Variants in RASGRP3 observed in about 807,000 individuals in gnomAD.
The protein encoded by RASGRP3 is RAS guanyl releasing protein 3.
A neutral mutation model predicts 82.7 loss-of-function variants in RASGRP3; 54 were observed. The observed-to-expected ratio is 0.65, with a 90% CI of 0.52 to 0.82. The LOEUF (loss-of-function observed/expected upper bound fraction) is 0.82. Ranked by LOEUF, RASGRP3 falls within the 40% of genes least tolerant of loss-of-function variation. RASGRP3 has a pLI of 0.00. For synonymous variants in RASGRP3, 309 were observed against 300.5 expected (o/e 1.03, Z -0.29); for missense variants, 861 against 828.9 (o/e 1.04, Z -0.48).
At chr2:33,553,834 G>A (rs2151101913) in intron 14 of RASGRP3, among the ~76,000 whole-genome samples, 1 of 152,240 alleles carries the variant, frequency 6.6e-6, no homozygotes, top group Admixed American at 6.5e-5. Flanking sequence ...TACCTCCTGG[G>A]TTCAAGTGAT....
chr2:33,438,349 G>A (rs1363406496), intron 1 of RASGRP3, among the ~76,000 whole-genome samples: 1 of 152,122 alleles, frequency 6.6e-6, no homozygotes, highest in Non-Finnish European at 1.5e-5. Flanking sequence ...GATCACCTGA[G>A]GTTGGGAGTT....
At chr2:33,481,748 A>C (rs1224475047) in intron 1 of RASGRP3, 1 of 151,616 alleles carries the variant, frequency 6.6e-6, no homozygotes, top group Non-Finnish European at 1.5e-5. Context: ...CTGTCACCCA[A>C]GCTGGAGTGC....
At chr2:33,555,591 A>G (rs750666102) in intron 15 of RASGRP3, 24 bp downstream of exon 15, 5 of 1,544,976 alleles carry the variant, frequency 3.2e-6, no homozygotes, top group Non-Finnish European at 4.4e-6. Context: ...ATTTTGTTAC[A>G]ATTTTTAAAA....
Position 33,515,121 on chromosome 2 carries a change from C to T in RASGRP3, c.-16C>T. The T allele has an allele frequency of 2.5e-6, 4 of 1,613,432 alleles. No individual in the cohort carries two copies. The highest frequency in any genetic ancestry group is 3.4e-6 in the Non-Finnish European group (4 of 1,179,400). On this transcript the variant is annotated 5_prime_UTR_variant, in exon 3 of 18. Transcript: ENST00000403687. Reference sequence around the variant, plus strand: ...GCTGAAAATGTCTCTAGTTTTTTGACAACGGCTAAATAACCATGGGATCAA... The same window carrying T: ...GCTGAAAATGTCTCTAGTTTTTTGATAACGGCTAAATAACCATGGGATCAA...
Position 33,540,523 on chromosome 2 carries a change from TTCTCTC to T in RASGRP3, c.1278+1329_1278+1334del, listed in dbSNP as rs755061258. On this transcript the variant is annotated intron_variant, in intron 12 of 17. Transcript: ENST00000403687. ...GACTTCCTCAGTCCACATGCGGAATTTCTCTCTCTCTCTCTCTCTCTGTGTGTGTGT... is the reference window on the plus strand; with the variant it reads ...GACTTCCTCAGTCCACATGCGGAATTTCTCTCTCTCTCTCTGTGTGTGTGT... Among the ~76,000 whole-genome samples the T allele has an allele frequency of 2.4e-5, 3 of 126,036 alleles. 1 individual carries two copies. Among genetic ancestry groups the T allele is most frequent in the Non-Finnish European group, 3.5e-5 (2 of 57,546 alleles). 82.7% of individuals were successfully genotyped at this position (126,036 alleles called of 152,430 possible). A position where few individuals can be genotyped will look rare whatever the true frequency, so the allele number is the denominator to read the frequency against.
intron 1 of RASGRP3, among the ~76,000 whole-genome samples, chr2:33,478,773 C>T (rs906823838): frequency 6.6e-6 from 1 of 152,148 alleles, no homozygotes; most frequent in Non-Finnish European, 1.5e-5. Flanking sequence ...CGGTGCAGAG[C>T]CAGAAGAGAG....
At chr2:33,551,040 C>T (rs1971224) in intron 14 of RASGRP3, among the ~76,000 whole-genome samples, 22,770 of 152,068 alleles carry the variant, frequency 0.15, 2,089 homozygotes, top group Non-Finnish European at 0.18. Flanking sequence ...TGGCCAGGCG[C>T]GGTGGCTCAT....
In RASGRP3 at chr2:33,562,726, C is replaced by T; in HGVS notation, c.2065-3C>T. Reference sequence around the variant, plus strand: ...ATGCAATAGGTTCCAATTTGTGTTTCAGGATGGCTGACTTCAGGCTGCGGA... The same window carrying T: ...ATGCAATAGGTTCCAATTTGTGTTTTAGGATGGCTGACTTCAGGCTGCGGA... On this transcript the variant is annotated splice_region_variant and splice_polypyrimidine_tract_variant and intron_variant, in intron 17 of 17. Coordinates refer to ENST00000403687, the MANE Select transcript of RASGRP3 (RefSeq NM_001139488.2). 1.2e-6 allele frequency: 2 copies of T among 1,613,572 alleles called. No homozygotes were observed. Among genetic ancestry groups the T allele is most frequent in the Non-Finnish European group, 1.7e-6 (2 of 1,179,506 alleles).
intron 1 of RASGRP3, among the ~76,000 whole-genome samples, chr2:33,442,558 C>T (rs1438365870): frequency 6.6e-6 from 1 of 152,324 alleles, no homozygotes; most frequent in Admixed American, 6.5e-5. Context: ...TTGCCATTGA[C>T]GGCCTCTCCT....
intron 10 of RASGRP3, among the ~76,000 whole-genome samples, chr2:33,529,158 CAAAG>C (rs1258867338): frequency 6.6e-6 from 1 of 152,024 alleles, no homozygotes; most frequent in Non-Finnish European, 1.5e-5. Flanking sequence ...AATGTTATGA[CAAAG>C]AAATATTTAG....
rs1199721059 is a variant in RASGRP3 at position 33,558,991 on chromosome 2, T to G, written c.2025T>G (p.Leu675=). Reference sequence around the variant, plus strand: ...TAGACCGGGGCACGGAGTTTGAACTTGACCAGGATGAAGGAGAAGAGACCA... The same window carrying G: ...TAGACCGGGGCACGGAGTTTGAACTGGACCAGGATGAAGGAGAAGAGACCA... ...DVVDRGTEFE[L]DQDEGEETRQ... Residue 675 remains leucine, a synonymous_variant, in exon 17 of 18, where the codon CTT becomes CTG. Coordinates refer to ENST00000403687, the MANE Select transcript of RASGRP3 (RefSeq NM_001139488.2). 3.1e-6 allele frequency: 5 copies of G among 1,613,378 alleles called. No individual in the cohort carries two copies. Among genetic ancestry groups the G allele is most frequent in the Non-Finnish European group, 4.2e-6 (5 of 1,179,702 alleles).
intron 7 of RASGRP3, among the ~76,000 whole-genome samples, chr2:33,522,942 T>C (rs1310215838): frequency 6.6e-6 from 1 of 152,242 alleles, no homozygotes; most frequent in African/African-American, 2.4e-5. Flanking sequence ...ACAGTTTATA[T>C]GATAGAAAGC....
intron 2 of RASGRP3, among the ~76,000 whole-genome samples, chr2:33,468,438 G>A (rs1023339161): frequency 1.3e-5 from 2 of 150,390 alleles, no homozygotes; most frequent in Admixed American, 6.6e-5. Flanking sequence ...GTCTCGCTCT[G>A]TTGCCCAGGC....
intron 10 of RASGRP3, chr2:33,533,645 G>T (rs1307644012): frequency 6.6e-6 from 1 of 152,190 alleles, no homozygotes; most frequent in Non-Finnish European, 1.5e-5. Context: ...CTAGCCAGTG[G>T]CAGGCTGCAT....
chr2:33,462,373 T>G (rs1270106227), intron 2 of RASGRP3, among the ~76,000 whole-genome samples: 5 of 145,306 alleles, frequency 3.4e-5, no homozygotes, highest in Admixed American at 1.4e-4. Context: ...AGGTTTTTTT[T>G]TTTTGTTTTT....
chr2:33,471,927 C>A (rs183290425), upstream of RASGRP3, among the ~76,000 whole-genome samples: 282 of 151,828 alleles, frequency 1.9e-3, no homozygotes, highest in African/African-American at 6.6e-3. Context: ...TAAAGTTTCC[C>A]CAAGAGCGTG....
chr2:33,546,090 G>A (rs1016022169), intron 13 of RASGRP3, among the ~76,000 whole-genome samples: 12 of 151,622 alleles, frequency 7.9e-5, no homozygotes, highest in South Asian at 4.2e-4. Flanking sequence ...GATTCCAGGC[G>A]TGAGCCACCG....
chr2:33,483,315 C>A (rs908125758), intron 1 of RASGRP3, among the ~76,000 whole-genome samples: 1 of 151,964 alleles, frequency 6.6e-6, no homozygotes, highest in African/African-American at 2.4e-5. Flanking sequence ...GGTTCTAAGC[C>A]CCTTGGAAAG....
intron 2 of RASGRP3, among the ~76,000 whole-genome samples, chr2:33,455,062 G>A (rs1406670575): frequency 6.6e-6 from 1 of 152,098 alleles, no homozygotes; most frequent in Non-Finnish European, 1.5e-5. Context: ...GAGGAGAGTG[G>A]GAATGTCAGG....
Sources: gnomAD v4.1 joint callset for allele counts (sites outside exome capture counted in the v4.1 genomes callset) on GRCh38, gnomAD v4.1.1 for gene constraint, MANE v1.5 for transcripts, NCBI Gene and HGNC (gene_info 2026-07-23, HGNC 2026-07-21) for gene names.